Variants in NOL4L observed in about 807,000 individuals in gnomAD.
NOL4L encodes the protein nucleolar protein 4 like, also known as nucleolar protein 4-like.
In NOL4L, 7 loss-of-function variants were observed where a neutral mutation model predicts 64.5. That is an observed-to-expected ratio of 0.11 (90% CI 0.06 to 0.20). The LOEUF (loss-of-function observed/expected upper bound fraction) is 0.20. Ranked by LOEUF, NOL4L falls within the 10% of genes least tolerant of loss-of-function variation. The pLI is 1.00. For missense variants in NOL4L, 680 were observed against 967.1 expected, an observed-to-expected ratio of 0.70 and a Z score of 3.94; for synonymous variants, 413 against 401.0, an observed-to-expected ratio of 1.03 and a Z score of -0.36.
chr20:32,567,339 G>C (rs900496727), intron 1 of NOL4L, among the ~76,000 whole-genome samples: 2 of 152,178 alleles, frequency 1.3e-5, no homozygotes, highest in African/African-American at 4.8e-5. Context: ...TCTTCCTCCT[G>C]ATTTAGGGAA....
intron 6 of NOL4L, among the ~76,000 whole-genome samples, chr20:32,454,483 C>T (rs376958115): frequency 5.9e-5 from 9 of 151,828 alleles, no homozygotes; most frequent in Admixed American, 3.3e-4. Context: ...GCCCTCTGCT[C>T]CCACCACGAG....
At chr20:32,458,601 G>A (rs942300041) in intron 5 of NOL4L, among the ~76,000 whole-genome samples, 3 of 152,218 alleles carry the variant, frequency 2.0e-5, no homozygotes, top group Admixed American at 6.5e-5. Flanking sequence ...TGAGCTGCAG[G>A]GGGCCCATCC....
At chr20:32,512,677 C>T (rs1257576279) in intron 3 of NOL4L, among the ~76,000 whole-genome samples, 2 of 152,048 alleles carry the variant, frequency 1.3e-5, no homozygotes, top group African/African-American at 2.4e-5. Flanking sequence ...CAGAGAATTC[C>T]AGTCTGCTTT....
chr20:32,535,076 G>C (rs1398099389), intron 1 of NOL4L, among the ~76,000 whole-genome samples: 1 of 151,758 alleles, frequency 6.6e-6, no homozygotes, highest in African/African-American at 2.4e-5. Flanking sequence ...TAAACTAAGA[G>C]AACAAAAAGA....
At chr20:32,539,941 CG>C (rs1316712034) in intron 1 of NOL4L, among the ~76,000 whole-genome samples, 3 of 152,298 alleles carry the variant, frequency 2.0e-5, no homozygotes, top group Admixed American at 1.3e-4. Flanking sequence ...GCCCCTCGGC[CG>C]GGGCTGATAT....
At chr20:32,491,862 TC>T (rs2016482810) in intron 4 of NOL4L, among the ~76,000 whole-genome samples, 1 of 152,150 alleles carries the variant, frequency 6.6e-6, no homozygotes, top group South Asian at 2.1e-4. Context: ...ACACCCATAA[TC>T]CCAGCACTTT....
chr20:32,559,858 C>A (rs1260643238), intron 1 of NOL4L, among the ~76,000 whole-genome samples: 1 of 152,248 alleles, frequency 6.6e-6, no homozygotes, highest in African/African-American at 2.4e-5. Flanking sequence ...GGGACCACGG[C>A]CAGCCCAGGC....
At chr20:32,522,598 G>A (rs1201538387) in intron 2 of NOL4L, among the ~76,000 whole-genome samples, 1 of 152,230 alleles carries the variant, frequency 6.6e-6, no homozygotes, top group Non-Finnish European at 1.5e-5. Flanking sequence ...TGCCCATCCT[G>A]TGTGCAGCCC....
intron 4 of NOL4L, among the ~76,000 whole-genome samples, chr20:32,494,778 T>G (rs2016620740): frequency 6.6e-6 from 1 of 152,194 alleles, no homozygotes. Context: ...CTTGCAACCA[T>G]GAGGAAAAGC....
At chr20:32,488,484 C>T (rs2016190851) in intron 4 of NOL4L, among the ~76,000 whole-genome samples, 2 of 152,206 alleles carry the variant, frequency 1.3e-5, no homozygotes, top group African/African-American at 4.8e-5. Context: ...TTCATAATTG[C>T]ACAATCGGGG....
intron 4 of NOL4L, among the ~76,000 whole-genome samples, chr20:32,497,846 A>T (rs1279910092): frequency 6.6e-6 from 1 of 152,056 alleles, no homozygotes; most frequent in Non-Finnish European, 1.5e-5. Context: ...TCCCCCCTTC[A>T]TTCATGGACG....
intron 9 of NOL4L, 43 bp from the exon 10 acceptor site, chr20:32,452,480 C>A: frequency 6.7e-7 from 1 of 1,484,656 alleles, no homozygotes; most frequent in Non-Finnish European, 9.1e-7. Context: ...CAAGGGGCAG[C>A]TGGCCCCAAC....
At chr20:32,503,447 C>A (rs913306533) in intron 4 of NOL4L, among the ~76,000 whole-genome samples, 1 of 152,082 alleles carries the variant, frequency 6.6e-6, no homozygotes, top group Admixed American at 6.6e-5. Flanking sequence ...AGGCTGGGAA[C>A]TGAGAGGGAA....
rs989571317 is a variant in NOL4L at position 32,446,232 on chromosome 20, A to AATC, written c.*1361_*1363dup. On this transcript the variant is annotated 3_prime_UTR_variant, in exon 11 of 11. Coordinates refer to ENST00000621426, the MANE Select transcript of NOL4L (RefSeq NM_001256798.2). ...CACTGAGCAAGAGGAAGTGCCTATC[A>AATC]ATCAATCAATCAGGGAGGAAGGAAA... The AATC allele has an allele frequency of 5.3e-5, 8 of 152,168 alleles. No homozygotes were observed. Among genetic ancestry groups the AATC allele is most frequent in the African/African-American group, 1.9e-4 (8 of 41,394 alleles). The allele number at this position is 152,168 out of a possible 1,614,324, so 9.4% of individuals were successfully genotyped here. A position where few individuals can be genotyped will look rare whatever the true frequency, so the allele number is the denominator to read the frequency against.
At chr20:32,572,807 C>G (rs985915097) in intron 1 of NOL4L, among the ~76,000 whole-genome samples, 3 of 152,008 alleles carry the variant, frequency 2.0e-5, no homozygotes, top group African/African-American at 7.3e-5. Context: ...GCCCAGTTTC[C>G]CTGCACAGGC....
chr20:32,532,460 G>A (rs897899605), intron 1 of NOL4L: 33 of 717,904 alleles, frequency 4.6e-5, no homozygotes, highest in South Asian at 1.9e-4. Context: ...GTCACGTGCC[G>A]CAGACATCTC....
chr20:32,564,527 G>A (rs1444969506), intron 1 of NOL4L, among the ~76,000 whole-genome samples: 1 of 152,222 alleles, frequency 6.6e-6, no homozygotes. Flanking sequence ...AGACTGTCTA[G>A]TTTAAGGCTC....
intron 4 of NOL4L, among the ~76,000 whole-genome samples, chr20:32,499,416 AG>A (rs960075031): frequency 1.2e-4 from 19 of 152,252 alleles, no homozygotes; most frequent in African/African-American, 3.9e-4. Flanking sequence ...TCCACCAAAA[AG>A]CGGATACAAA....
At chr20:32,489,348 CT>C (rs1313841984) in intron 4 of NOL4L, among the ~76,000 whole-genome samples, 1 of 151,604 alleles carries the variant, frequency 6.6e-6, no homozygotes, top group East Asian at 2.0e-4. Context: ...TCAATACCAT[CT>C]TTTATCTTTT....
Sources: gnomAD v4.1 joint callset for allele counts (sites outside exome capture counted in the v4.1 genomes callset) on GRCh38, gnomAD v4.1.1 for gene constraint, MANE v1.5 for transcripts, NCBI Gene and HGNC (gene_info 2026-07-23, HGNC 2026-07-21) for gene names.